Variants in FHOD1 observed in about 807,000 individuals in gnomAD.
The protein encoded by FHOD1 is FH1/FH2 domain-containing protein 1.
In FHOD1, 89 loss-of-function variants were observed where a neutral mutation model predicts 111.6. That is an observed-to-expected ratio of 0.80 (90% CI 0.67 to 0.95). The LOEUF is 0.95. Among genes scored for constraint, FHOD1 ranks in the 40% least tolerant of loss-of-function variants. FHOD1 has a pLI of 0.00. For synonymous variants in FHOD1, 618 were observed against 639.0 expected (o/e 0.97, Z 0.50); for missense variants, 1,446 against 1,554.2 (o/e 0.93, Z 1.17).
At chr16:67,240,342 C>T (rs752400108) in intron 1 of FHOD1, among the ~76,000 whole-genome samples, 7 of 152,184 alleles carry the variant, frequency 4.6e-5, no homozygotes, top group Non-Finnish European at 8.8e-5. Flanking sequence ...GCCTGGCCAA[C>T]GTGGTGAAAC....
chr16:67,243,824 G>A (rs1031056681), intron 1 of FHOD1, among the ~76,000 whole-genome samples: 2 of 152,190 alleles, frequency 1.3e-5, no homozygotes, highest in African/African-American at 4.8e-5. Flanking sequence ...ATGCAAGTTA[G>A]GATAATAGTA....
At chr16:67,244,994 C>T (rs193029772) in intron 1 of FHOD1, among the ~76,000 whole-genome samples, 34 of 152,318 alleles carry the variant, frequency 2.2e-4, no homozygotes, top group African/African-American at 8.2e-4. Context: ...CCCCCTTGCT[C>T]AGCTCTCTGA....
chr16:67,233,559 C>T, intron 13 of FHOD1, 98 bp downstream of exon 13: 1 of 1,448,090 alleles, frequency 6.9e-7, no homozygotes. Context: ...TTGGTTTCCC[C>T]ATGTGGGAAG....
Position 67,233,877 on chromosome 16 carries a change from G to A in FHOD1, c.1826C>T (p.Pro609Leu), listed in dbSNP as rs759559297. 1.2e-6 allele frequency: 2 copies of A among 1,605,750 alleles called. No individual in the cohort carries two copies. The highest frequency in any genetic ancestry group is 1.7e-6 in the Non-Finnish European group (2 of 1,176,210). The change falls in exon 13 of 22, where the codon CCT (proline) becomes CTT (leucine). Residue 609 changes from proline (P) to leucine (L), a missense_variant. By Grantham distance (98) the Pro-to-Leu change is moderately conservative. Transcript: ENST00000258201. Reference protein sequence around the residue: ...PPPPPLPLAAPLPHSVPDSSA... With the variant: ...PPPPPLPLAALLPHSVPDSSA... ...GCTGTCAGGCACTGAATGGGGAAGA[G>A]GGGCAGCCAGAGGTAGAGGTGGAGG...
At chr16:67,233,452 T>C (rs1192057753) in intron 13 of FHOD1, among the ~76,000 whole-genome samples, 1 of 150,688 alleles carries the variant, frequency 6.6e-6, no homozygotes, top group African/African-American at 2.4e-5. Context: ...GGATTACAGG[T>C]GTGAGCCACC....
intron 11 of FHOD1, 72 bp downstream of exon 11, chr16:67,236,485 C>A: frequency 6.4e-7 from 1 of 1,567,036 alleles, no homozygotes; most frequent in Non-Finnish European, 8.7e-7. Flanking sequence ...AGGCTGAGTG[C>A]CCATGGAGGG....
At chr16:67,235,687 C>A in intron 11 of FHOD1, among the ~76,000 whole-genome samples, 1 of 152,162 alleles carries the variant, frequency 6.6e-6, no homozygotes, top group East Asian at 1.9e-4. Context: ...TACCCCTCCA[C>A]CCCCACACCA....
intron 11 of FHOD1, 146 bp from the exon 12 acceptor site, chr16:67,234,618 C>A: frequency 1.5e-6 from 1 of 654,158 alleles, no homozygotes; most frequent in Non-Finnish European, 2.7e-6. Context: ...ACCAGAACCA[C>A]ACCCCCCCCA....
intron 10 of FHOD1, 48 bp from the exon 11 acceptor site, chr16:67,236,781 G>A (rs1423644723): frequency 2.1e-6 from 3 of 1,403,760 alleles, no homozygotes; most frequent in Non-Finnish European, 2.8e-6. Flanking sequence ...AGCTGGAGGC[G>A]GGGCCTGTCA....
At chr16:67,239,219 C>G in intron 2 of FHOD1, 129 bp downstream of exon 2, 1 of 801,338 alleles carries the variant, frequency 1.2e-6, no homozygotes, top group Non-Finnish European at 2.1e-6. Flanking sequence ...ATTCCCCTGG[C>G]ACACTTCCCT....
chr16:67,236,751 C>T lies in FHOD1; in HGVS notation c.1143-18G>A. 1.6e-6 allele frequency: 2 copies of T among 1,240,182 alleles called. No individual in the cohort carries two copies. Among genetic ancestry groups the T allele is most frequent in the Non-Finnish European group, 2.0e-6 (2 of 977,018 alleles). The allele number at this position is 1,240,182 out of a possible 1,614,324, so 76.8% of individuals were successfully genotyped here. On this transcript the variant is annotated intron_variant, in intron 10 of 21. Transcript: ENST00000258201. ...CTGTGGGGCTGAAAGCAGGGGCTGT[C>T]AGTGGGGCGGGGCCTGAGAAGCTGG...
intron 1 of FHOD1, among the ~76,000 whole-genome samples, chr16:67,244,676 G>A (rs2034761912): frequency 1.3e-5 from 2 of 152,154 alleles, no homozygotes; most frequent in Admixed American, 1.3e-4. Flanking sequence ...CCCCAGGGAG[G>A]GGGGTCATCT....
At position 67,237,711 on chromosome 16, in the gene FHOD1, C is replaced by T. The variant is rs1334476867; in HGVS notation, c.700G>A (p.Glu234Lys). Reference sequence around the variant, plus strand: ...CGGATGAACAGCGGTGCGTTGTTTTCGGAGTATTCTACAAACACCAACAGC... The same window carrying T: ...CGGATGAACAGCGGTGCGTTGTTTTTGGAGTATTCTACAAACACCAACAGC... Reference protein sequence around the residue: ...KLLLVFVEYSENNAPLFIRAV... With the variant: ...KLLLVFVEYSKNNAPLFIRAV... Residue 234 changes from glutamate to lysine, a missense_variant, in exon 7 of 22, where the codon GAA becomes AAA. Physicochemically the swap from Glu to Lys is moderately conservative, Grantham distance 56. Coordinates refer to ENST00000258201, the MANE Select transcript of FHOD1 (RefSeq NM_013241.3). The surrounding 1 kb of genome is among the most constrained non-coding windows in gnomAD (Gnocchi z 5.6). 10 of 1,614,158 alleles carry T rather than the reference C, an allele frequency of 6.2e-6. No homozygotes were observed. Among genetic ancestry groups the T allele is most frequent in the Admixed American group, 1.7e-5 (1 of 60,022 alleles).
Position 67,237,123 on chromosome 16 carries a change from G to A in FHOD1, c.994-9C>T. Reference sequence around the variant, plus strand: ...TCCAATTTCAGGGCGTTCTAGCAGAGGCGGACCAGGATGTAAGAAAGTGGT... The same window carrying A: ...TCCAATTTCAGGGCGTTCTAGCAGAAGCGGACCAGGATGTAAGAAAGTGGT... On this transcript the variant is annotated splice_polypyrimidine_tract_variant and intron_variant, in intron 9 of 21. Transcript: ENST00000258201. This position sits in a 1 kb window ranked among gnomAD's most constrained non-coding sequence, Gnocchi z 5.6. The A allele has an allele frequency of 1.2e-6, 2 of 1,607,420 alleles. No homozygotes were observed. Among genetic ancestry groups the A allele is most frequent in the Non-Finnish European group, 8.5e-7 (1 of 1,176,534 alleles).
At chr16:67,245,466 C>G (rs1309910526) in intron 1 of FHOD1, among the ~76,000 whole-genome samples, 2 of 152,122 alleles carry the variant, frequency 1.3e-5, no homozygotes, top group African/African-American at 4.8e-5. Flanking sequence ...TGTCAAGGGG[C>G]TGGGCATGGT....
chr16:67,230,746 G>A lies in FHOD1; in HGVS notation c.2713C>T (p.Arg905Trp), dbSNP rs375713096. Reference protein sequence around the residue: ...LTENLGQLERRSRAAEESLRS... With the variant: ...LTENLGQLERWSRAAEESLRS... ...AGGCTCTCCTCGGCTGCCCGGCTCC[G>A]GCGCTCCAGCTGCCCCAGGTTCTCA... Residue 905 changes from arginine (R) to tryptophan (W), a missense_variant, in exon 18 of 22, where the codon CGG (arginine) becomes TGG (tryptophan). Physicochemically the swap from Arg to Trp is moderately radical, Grantham distance 101. This residue lies in a region of FHOD1 where 1,085 missense variants were observed against 1,108.8 expected (regional missense o/e 0.98). Transcript: ENST00000258201. 7 of 1,609,076 alleles carry A rather than the reference G, an allele frequency of 4.4e-6. No homozygotes were observed. The highest frequency in any genetic ancestry group is 1.8e-4 in the Middle Eastern group (1 of 5,678).
Position 67,231,601 on chromosome 16 carries a change from G to A in FHOD1, c.2385+36C>T. 1 of 1,614,102 alleles carries A rather than the reference G, an allele frequency of 6.2e-7. No homozygotes were observed. Among genetic ancestry groups the A allele is most frequent in the East Asian group, 2.2e-5 (1 of 44,878 alleles). On this transcript the variant is annotated intron_variant, in intron 15 of 21. Transcript: ENST00000258201. This position sits in a 1 kb window ranked among gnomAD's most constrained non-coding sequence, Gnocchi z 4.3. ...GACTACATGGTCATGATGCTTACCT[G>A]TCCCTACTGACTGTCCCACTCCAAG...
At chr16:67,230,834 G>A (rs754508833) in intron 17 of FHOD1, 43 bp from the exon 18 acceptor site, 3 of 1,534,368 alleles carry the variant, frequency 2.0e-6, no homozygotes, top group African/African-American at 1.4e-5. Context: ...CCCACACCCT[G>A]TAGACAAGAC....
Position 67,231,360 on chromosome 16 carries a change from C to A in FHOD1, c.2506-11G>T. On this transcript the variant is annotated splice_polypyrimidine_tract_variant and intron_variant, in intron 16 of 21. Transcript: ENST00000258201. This position sits in a 1 kb window ranked among gnomAD's most constrained non-coding sequence, Gnocchi z 4.3. ...CTCAAAGCCGCTGCTCTGAAAGGAC[C>A]CTTTCTGAGCCTGGGCCTGGTTGGC... The A allele has an allele frequency of 6.2e-7, 1 of 1,614,128 alleles. No homozygotes were observed. The highest frequency in any genetic ancestry group is 1.1e-5 in the South Asian group (1 of 91,072).
Sources: gnomAD v4.1 joint callset for allele counts (sites outside exome capture counted in the v4.1 genomes callset) on GRCh38, gnomAD v4.1.1 for gene constraint, gnomAD v4.1.1 regional missense constraint, Gnocchi (gnomAD v3.1) non-coding constraint, MANE v1.5 for transcripts, NCBI Gene and HGNC (gene_info 2026-07-23, HGNC 2026-07-21) for gene names.